Variants in UBTD2 observed in about 807,000 individuals in gnomAD.
UBTD2 encodes ubiquitin domain-containing protein 2.
UBTD2 carries 9 observed loss-of-function variants against 19.8 expected under a neutral mutation model. The observed-to-expected ratio is 0.46, with a 90% CI of 0.27 to 0.79. The LOEUF (loss-of-function observed/expected upper bound fraction) is 0.79. Ranked by LOEUF, UBTD2 falls within the 30% of genes least tolerant of loss-of-function variation. The pLI, the probability that UBTD2 is intolerant of heterozygous loss-of-function variation, is 0.14. For synonymous variants in UBTD2, 98 were observed against 103.9 expected (o/e 0.94, Z 0.35); for missense variants, 250 against 300.4 (o/e 0.83, Z 1.24).
At chr5:172,255,724 G>A (rs956185727) in intron 1 of UBTD2, among the ~76,000 whole-genome samples, 4 of 152,154 alleles carry the variant, frequency 2.6e-5, no homozygotes, top group East Asian at 1.9e-4. Flanking sequence ...CAAGTCCCCC[G>A]GGGCTGGCAG....
intron 1 of UBTD2, among the ~76,000 whole-genome samples, chr5:172,263,040 C>T (rs1184368255): frequency 6.6e-6 from 1 of 151,960 alleles, no homozygotes; most frequent in Admixed American, 6.6e-5. Context: ...TCCGGGCGAG[C>T]GATCCTCCCA....
intron 2 of UBTD2, among the ~76,000 whole-genome samples, chr5:172,215,338 G>T (rs1242313111): frequency 6.6e-6 from 1 of 152,156 alleles, no homozygotes; most frequent in Non-Finnish European, 1.5e-5. Context: ...TCCTGCTGGG[G>T]TTTTATCAGA....
At chr5:172,263,734 A>G (rs1223553754) in intron 1 of UBTD2, among the ~76,000 whole-genome samples, 1 of 152,118 alleles carries the variant, frequency 6.6e-6, no homozygotes, top group Non-Finnish European at 1.5e-5. Context: ...GTGGAGCTTC[A>G]GTGAGCCGAG....
At chr5:172,270,965 T>C (rs1486662136) in intron 1 of UBTD2, among the ~76,000 whole-genome samples, 2 of 152,174 alleles carry the variant, frequency 1.3e-5, no homozygotes, top group Admixed American at 6.5e-5. Context: ...CAATCCTGTC[T>C]TCCCAAATCT....
intron 1 of UBTD2, among the ~76,000 whole-genome samples, chr5:172,272,200 C>T (rs760772704): frequency 4.6e-5 from 7 of 152,168 alleles, no homozygotes; most frequent in Non-Finnish European, 8.8e-5. Flanking sequence ...GCTCAATATA[C>T]GGATATATTA....
chr5:172,231,390 T>C (rs1188366375), intron 2 of UBTD2, among the ~76,000 whole-genome samples: 1 of 152,212 alleles, frequency 6.6e-6, no homozygotes, highest in Non-Finnish European at 1.5e-5. Flanking sequence ...TCCTTAAACA[T>C]AGAAGGCAAA....
At chr5:172,223,212 A>G (rs1043877260) in intron 2 of UBTD2, among the ~76,000 whole-genome samples, 2 of 152,232 alleles carry the variant, frequency 1.3e-5, no homozygotes, top group Admixed American at 6.5e-5. Context: ...GAGATGCTTC[A>G]GCTGAATTAT....
intron 1 of UBTD2, among the ~76,000 whole-genome samples, chr5:172,258,720 T>C (rs1385646132): frequency 1.3e-5 from 2 of 152,210 alleles, no homozygotes; most frequent in African/African-American, 2.4e-5. Context: ...TTGCAGCTAC[T>C]GTGAACAGAA....
At chr5:172,222,722 T>C (rs888070061) in intron 2 of UBTD2, among the ~76,000 whole-genome samples, 1 of 152,140 alleles carries the variant, frequency 6.6e-6, no homozygotes, top group Non-Finnish European at 1.5e-5. Flanking sequence ...ACAAGGTAAA[T>C]AGAGAATACC....
intron 2 of UBTD2, among the ~76,000 whole-genome samples, chr5:172,214,235 G>A (rs930692003): frequency 1.3e-5 from 2 of 152,216 alleles, no homozygotes; most frequent in Non-Finnish European, 2.9e-5. Flanking sequence ...ATGAACAAAT[G>A]AGTTAATGAA....
At chr5:172,225,344 T>A (rs1753559650) in intron 2 of UBTD2, among the ~76,000 whole-genome samples, 1 of 152,264 alleles carries the variant, frequency 6.6e-6, no homozygotes, top group African/African-American at 2.4e-5. Context: ...TGTTTTCTTC[T>A]ATGATTATTT....
intron 1 of UBTD2, among the ~76,000 whole-genome samples, chr5:172,266,159 G>A (rs1755373457): frequency 6.6e-6 from 1 of 151,930 alleles, no homozygotes; most frequent in Non-Finnish European, 1.5e-5. Context: ...TTGAACTCCT[G>A]ACCTCAGCTG....
intron 1 of UBTD2, among the ~76,000 whole-genome samples, chr5:172,282,405 C>T (rs1755736226): frequency 6.6e-6 from 1 of 152,200 alleles, no homozygotes; most frequent in Non-Finnish European, 1.5e-5. Flanking sequence ...AGGATACCCA[C>T]AGATTTTAAT....
intron 2 of UBTD2, among the ~76,000 whole-genome samples, chr5:172,226,985 CCA>C (rs1387363218): frequency 3.3e-5 from 5 of 152,152 alleles, no homozygotes; most frequent in South Asian, 2.1e-4. Context: ...TAACACTGCA[CCA>C]CAGTTTTAAG....
chr5:172,251,884 G>A (rs1360564976), intron 1 of UBTD2, among the ~76,000 whole-genome samples: 1 of 152,176 alleles, frequency 6.6e-6, no homozygotes, highest in Non-Finnish European at 1.5e-5. Context: ...GGGTATAACT[G>A]ACTTTGCAAA....
intron 1 of UBTD2, among the ~76,000 whole-genome samples, chr5:172,278,271 A>T (rs1755645623): frequency 6.6e-6 from 1 of 152,120 alleles, no homozygotes; most frequent in Admixed American, 6.5e-5. Context: ...TGTCCAACAG[A>T]TGAATGGATA....
intron 1 of UBTD2, chr5:172,254,884 AT>A: frequency 2.0e-6 from 1 of 499,582 alleles, no homozygotes; most frequent in East Asian, 4.3e-5. Flanking sequence ...TACTACTGGA[AT>A]TTTTCATCTC....
intron 2 of UBTD2, among the ~76,000 whole-genome samples, chr5:172,214,742 T>C (rs1052310759): frequency 6.6e-6 from 1 of 152,228 alleles, no homozygotes; most frequent in African/African-American, 2.4e-5. Flanking sequence ...TTTTATTTAA[T>C]ATGGAATTTT....
In UBTD2 at chr5:172,283,225, C is replaced by G. The variant is rs1755755487; in HGVS notation, c.70+371G>C. On this transcript the variant is annotated intron_variant, in intron 1 of 2. Transcript: ENST00000393792. The surrounding 1 kb of genome is among the most constrained non-coding windows in gnomAD (Gnocchi z 4.3). Reference sequence around the variant, plus strand: ...CGGAGGGAACGCATCAAGCTCCCTCCCCCCGCCATCAATTCGCTTTTCTGC... The same window carrying G: ...CGGAGGGAACGCATCAAGCTCCCTCGCCCCGCCATCAATTCGCTTTTCTGC... Among the ~76,000 whole-genome samples, 1 of 152,140 alleles carries G rather than the reference C, an allele frequency of 6.6e-6. No individual in the cohort carries two copies. The highest frequency in any genetic ancestry group is 1.5e-5 in the Non-Finnish European group (1 of 68,016).
Sources: gnomAD v4.1 joint callset for allele counts (sites outside exome capture counted in the v4.1 genomes callset) on GRCh38, gnomAD v4.1.1 for gene constraint, Gnocchi (gnomAD v3.1) non-coding constraint, MANE v1.5 for transcripts, NCBI Gene and HGNC (gene_info 2026-07-23, HGNC 2026-07-21) for gene names.